The following SLC30A8 variants were observed in gnomAD, a reference collection of about 807,000 sequenced individuals.
The protein encoded by SLC30A8 is proton-coupled zinc antiporter SLC30A8.
A neutral mutation model predicts 36.9 loss-of-function variants in SLC30A8; 27 were observed. The observed-to-expected ratio is 0.73, with a 90% CI of 0.54 to 1.01. The LOEUF is 1.01. SLC30A8 is among the 50% of genes least tolerant of loss of function. The pLI, the probability that SLC30A8 is intolerant of heterozygous loss-of-function variation, is 0.00. For synonymous variants in SLC30A8, 164 were observed against 172.4 expected, an observed-to-expected ratio of 0.95 and a Z score of 0.38; for missense variants, 439 against 452.0, an observed-to-expected ratio of 0.97 and a Z score of 0.26.
chr8:117,026,086 C>T (rs927509629), intron 1 of SLC30A8, among the ~76,000 whole-genome samples: 2 of 152,100 alleles, frequency 1.3e-5, no homozygotes, highest in Non-Finnish European at 2.9e-5. Flanking sequence ...GAGAGAACTG[C>T]CTGTCCCTTC....
At chr8:117,142,892 A>G (rs1332497236) in intron 1 of SLC30A8, among the ~76,000 whole-genome samples, 1 of 152,184 alleles carries the variant, frequency 6.6e-6, no homozygotes, top group Non-Finnish European at 1.5e-5. Flanking sequence ...ACATGGTATC[A>G]TTAACACTTC....
chr8:117,085,656 T>C (rs183601655), intron 2 of SLC30A8, among the ~76,000 whole-genome samples: 1 of 152,304 alleles, frequency 6.6e-6, no homozygotes, highest in Admixed American at 6.5e-5. Flanking sequence ...TGGCACTGTG[T>C]TAAATGGTTC....
intron 2 of SLC30A8, among the ~76,000 whole-genome samples, chr8:117,118,140 C>CT (rs1277205719): frequency 6.9e-6 from 1 of 144,092 alleles, no homozygotes; most frequent in Non-Finnish European, 1.5e-5. Flanking sequence ...TTTTGGGTTA[C>CT]TTTTTCAGTT....
At chr8:116,964,338 G>A (rs1814527119) in intron 1 of SLC30A8, among the ~76,000 whole-genome samples, 2 of 152,208 alleles carry the variant, frequency 1.3e-5, no homozygotes, top group Non-Finnish European at 1.5e-5. Context: ...TTAATTTAAA[G>A]CAGAAGCAAA....
chr8:117,014,126 G>C (rs781083663), intron 1 of SLC30A8, among the ~76,000 whole-genome samples: 6 of 152,116 alleles, frequency 3.9e-5, no homozygotes, highest in Admixed American at 6.6e-5. Context: ...AATTACTTTT[G>C]CACCAACCTA....
At chr8:116,976,243 T>TC (rs956937245) in intron 1 of SLC30A8, among the ~76,000 whole-genome samples, 11 of 125,946 alleles carry the variant, frequency 8.7e-5, no homozygotes, top group East Asian at 8.5e-4. Context: ...GTTCTCTCTC[T>TC]TTTTTTTTTT....
At chr8:117,170,899 A>G in intron 6 of SLC30A8, 135 bp from the exon 7 acceptor site, 1 of 701,066 alleles carries the variant, frequency 1.4e-6, no homozygotes, top group Non-Finnish European at 2.3e-6. Flanking sequence ...TCTTATTTGT[A>G]AACATTTGAA....
intron 1 of SLC30A8, among the ~76,000 whole-genome samples, chr8:116,994,309 G>A (rs1815743643): frequency 6.6e-6 from 1 of 152,072 alleles, no homozygotes; most frequent in Non-Finnish European, 1.5e-5. Flanking sequence ...TCCAGATCTA[G>A]ACTCAACAGA....
chr8:117,120,434 A>G (rs961188105), intron 2 of SLC30A8, among the ~76,000 whole-genome samples: 1 of 151,904 alleles, frequency 6.6e-6, no homozygotes, highest in African/African-American at 2.4e-5. Flanking sequence ...ATGAAATTGC[A>G]CCCTTATTTT....
At chr8:116,976,942 G>A (rs1485625187) in intron 1 of SLC30A8, among the ~76,000 whole-genome samples, 6 of 149,190 alleles carry the variant, frequency 4.0e-5, no homozygotes, top group South Asian at 2.1e-4. Context: ...TCAGCCTCCC[G>A]AGTAGCTGGG....
chr8:117,039,491 A>G (rs1817317407), intron 2 of SLC30A8, among the ~76,000 whole-genome samples: 1 of 152,162 alleles, frequency 6.6e-6, no homozygotes, highest in African/African-American at 2.4e-5. Context: ...TGCAGCTCAA[A>G]TCCCATTCTA....
At chr8:117,091,358 CTCTCTAGTTTCCTGTA>C (rs1563589397) in intron 2 of SLC30A8, among the ~76,000 whole-genome samples, 1 of 151,178 alleles carries the variant, frequency 6.6e-6, no homozygotes, top group Non-Finnish European at 1.5e-5. Context: ...TGTACAGAAT[CTCTCTAGTTTCCTGTA>C]CAGAATCCAT....
At chr8:117,085,275 A>G (rs903026439) in intron 2 of SLC30A8, among the ~76,000 whole-genome samples, 3 of 152,154 alleles carry the variant, frequency 2.0e-5, no homozygotes, top group African/African-American at 4.8e-5. Context: ...AGATCATACC[A>G]TTATTAACAG....
At chr8:116,983,208 T>G (rs1815335237) in intron 1 of SLC30A8, among the ~76,000 whole-genome samples, 1 of 152,152 alleles carries the variant, frequency 6.6e-6, no homozygotes, top group Non-Finnish European at 1.5e-5. Flanking sequence ...AAAATTAAGA[T>G]GCATTCTCTC....
In SLC30A8 at chr8:116,969,201, T is replaced by A. The variant is rs574127573; in HGVS notation, c.-266+18082T>A. On this transcript the variant is annotated intron_variant, in intron 1 of 10. Transcript: ENST00000427715. ...GGGAGGCCGAGGTGGGCGGATCATT[T>A]GAGGTCAGGAGTTCGAGACCAGCCC... 4.6e-5 allele frequency among the ~76,000 whole-genome samples: 7 copies of A among 152,180 alleles called. 1 individual carries two copies. Among genetic ancestry groups the A allele is most frequent in the Admixed American group, 4.6e-4 (7 of 15,280 alleles).
At chr8:117,003,994 C>T (rs964701852) in intron 1 of SLC30A8, among the ~76,000 whole-genome samples, 8 of 152,140 alleles carry the variant, frequency 5.3e-5, no homozygotes, top group Non-Finnish European at 8.8e-5. Flanking sequence ...TTTACATAGA[C>T]GTGTTTGAAG....
rs1276638372 is a variant in SLC30A8 at position 116,950,954 on chromosome 8, T to C, written c.-431T>C. Reference sequence around the variant, plus strand: ...GGTGTGCCGTGAGGCTATTGAATTTTAAGAAGCATCAAGAAAGCCTGCCTG... The same window carrying C: ...GGTGTGCCGTGAGGCTATTGAATTTCAAGAAGCATCAAGAAAGCCTGCCTG... On this transcript the variant is annotated 5_prime_UTR_variant, in exon 1 of 11. Coordinates refer to the SLC30A8 transcript ENST00000427715. 2.0e-5 allele frequency: 3 copies of C among 152,254 alleles called. No individual in the cohort carries two copies. The East Asian group carries it at 5.8e-4, about 29-fold the overall frequency. 9.4% of individuals were successfully genotyped at this position (152,254 alleles called of 1,614,324 possible). A position where few individuals can be genotyped will look rare whatever the true frequency, so the allele number is the denominator to read the frequency against.
At chr8:117,100,927 G>A (rs1262646571) in intron 2 of SLC30A8, among the ~76,000 whole-genome samples, 3 of 152,012 alleles carry the variant, frequency 2.0e-5, no homozygotes, top group Non-Finnish European at 4.4e-5. Flanking sequence ...ATTATGCTCT[G>A]TAGTGTCCTT....
chr8:117,124,351 C>A (rs1387254096), intron 2 of SLC30A8, among the ~76,000 whole-genome samples: 1 of 151,852 alleles, frequency 6.6e-6, no homozygotes, highest in Non-Finnish European at 1.5e-5. Flanking sequence ...ATGCTCACAG[C>A]TACAAAGATT....
Sources: gnomAD v4.1 joint callset for allele counts (sites outside exome capture counted in the v4.1 genomes callset) on GRCh38, gnomAD v4.1.1 for gene constraint, MANE v1.5 for transcripts, NCBI Gene and HGNC (gene_info 2026-07-23, HGNC 2026-07-21) for gene names.